RARG: variants seen among roughly 807,000 people sequenced by gnomAD.
RARG encodes RAR-gamma.
RARG carries 17 observed loss-of-function variants against 43.7 expected under a neutral mutation model. The ratio of observed to expected loss-of-function variants is 0.39; its 90% confidence interval spans 0.27 to 0.58. The LOEUF is 0.58. Ranked by LOEUF, RARG falls within the 20% of genes least tolerant of loss-of-function variation. RARG has a pLI of 0.57. For missense variants in RARG, 346 were observed against 598.7 expected (o/e 0.58, Z 4.40); for synonymous variants, 238 against 236.4 (o/e 1.01, Z -0.06).
chr12:53,228,489 A>G (rs1462075390), intron 2 of RARG, among the ~76,000 whole-genome samples: 2 of 152,112 alleles, frequency 1.3e-5, no homozygotes, highest in Non-Finnish European at 2.9e-5. Context: ...TTCAGTAAGC[A>G]CTTCCCTCTC....
chr12:53,212,743 C>T (rs868689170), intron 9 of RARG, among the ~76,000 whole-genome samples: 1,956 of 145,760 alleles, frequency 0.013, 20 homozygotes, highest in African/African-American at 0.035. Flanking sequence ...TATATACACA[C>T]ACACACACAC....
Position 53,215,811 on chromosome 12 carries a change from G to T in RARG, c.185-17C>A. 6.3e-7 allele frequency: 1 copy of T among 1,587,282 alleles called. No individual in the cohort carries two copies. The highest frequency in any genetic ancestry group is 8.6e-7 in the Non-Finnish European group (1 of 1,165,094). On this transcript the variant is annotated splice_polypyrimidine_tract_variant and intron_variant, in intron 3 of 9. Transcript: ENST00000425354. This position sits in a 1 kb window ranked among gnomAD's most constrained non-coding sequence, Gnocchi z 6.4. Reference sequence around the variant, plus strand: ...TCTCCACCGCTGGGAGGGAAGCAGTGATGTGAGGGTCAGGGGAGAAGGACC... The same window carrying T: ...TCTCCACCGCTGGGAGGGAAGCAGTTATGTGAGGGTCAGGGGAGAAGGACC...
rs1308036214 is a variant in RARG at position 53,232,033 on chromosome 12, C to G, written c.-269G>C. 7.5e-6 allele frequency: 3 copies of G among 398,246 alleles called. No homozygotes were observed. In the East Asian group the frequency reaches 1.1e-4, roughly 14 times the overall value. 24.7% of individuals were successfully genotyped at this position (398,246 alleles called of 1,614,324 possible). ...CCGAGGTCCCGGCGTCGGGCAGTCT[C>G]TTGGATGGAGCGTCGCAATGTCCGG... On this transcript the variant is annotated 5_prime_UTR_variant, in exon 1 of 10. Coordinates refer to ENST00000425354, the MANE Select transcript of RARG (RefSeq NM_000966.6).
At chr12:53,228,612 A>T (rs1293683533) in intron 2 of RARG, among the ~76,000 whole-genome samples, 1 of 152,114 alleles carries the variant, frequency 6.6e-6, no homozygotes. Context: ...AAGGATGTTG[A>T]TGGAGCCCCC....
Position 53,219,251 on chromosome 12 carries a change from C to T in RARG, c.185-3457G>A, listed in dbSNP as rs370703706. Among the ~76,000 whole-genome samples, 4 of 152,316 alleles carry T rather than the reference C, an allele frequency of 2.6e-5. No homozygotes were observed. In the East Asian group the frequency reaches 5.8e-4, roughly 22 times the overall value. On this transcript the variant is annotated intron_variant, in intron 3 of 9. Transcript: ENST00000425354. The stretch of plus-strand genomic sequence containing the variant: ...GGAAAAAGTAATCTCTGCATATAAC[C>T]GCATACACGTTTCCAAACATTTCTT...
At chr12:53,230,836 C>T (rs952130380) in intron 2 of RARG, among the ~76,000 whole-genome samples, 7 of 119,998 alleles carry the variant, frequency 5.8e-5, no homozygotes, top group East Asian at 2.5e-4. Context: ...GGCCACAGTG[C>T]GTGTGTGTGT....
At chr12:53,223,118 G>A (rs1356992576) in intron 3 of RARG, among the ~76,000 whole-genome samples, 3 of 152,194 alleles carry the variant, frequency 2.0e-5, no homozygotes, top group Admixed American at 6.5e-5. Context: ...TGGCCAGGAC[G>A]AGGCAGGGCA....
In RARG at chr12:53,211,852, C is replaced by A; in HGVS notation, c.1189G>T (p.Ala397Ser). 1 of 1,472,064 alleles carries A rather than the reference C, an allele frequency of 6.8e-7. No individual in the cohort carries two copies. Among genetic ancestry groups the A allele is most frequent in the Non-Finnish European group, 9.1e-7 (1 of 1,103,320 alleles). The allele number at this position is 1,472,064 out of a possible 1,614,324, so 91.2% of individuals were successfully genotyped here. ...GGAATCTCCATCTTCAGAGTAATGG[C>A]CCTTTCAGCTCCTACAATGGAGAGA... ...RGISTKGAER[A>S]ITLKMEIPGP... is the part of the protein sequence containing the mutation. Residue 397 changes from alanine to serine, a missense_variant, in exon 10 of 10, where the codon GCC (alanine) becomes TCC (serine). Physicochemically the swap from Ala to Ser is moderately conservative, Grantham distance 99 (BLOSUM62 1). This residue lies in a region of RARG where 20 missense variants were observed against 58.5 expected (regional missense o/e 0.34). Coordinates refer to ENST00000425354, the MANE Select transcript of RARG (RefSeq NM_000966.6). This position sits in a 1 kb window ranked among gnomAD's most constrained non-coding sequence, Gnocchi z 4.6.
intron 2 of RARG, among the ~76,000 whole-genome samples, chr12:53,229,380 C>T (rs559770375): frequency 5.9e-5 from 9 of 152,160 alleles, no homozygotes; most frequent in African/African-American, 1.9e-4. Context: ...TCTCCTCTAC[C>T]TTGGCCTTCA....
At position 53,227,302 on chromosome 12, in the gene RARG, A is replaced by G. The variant is rs1002364022; in HGVS notation, c.184+60T>C. The G allele has an allele frequency of 6.9e-7, 1 of 1,457,824 alleles. No individual in the cohort carries two copies. The highest frequency in any genetic ancestry group is 9.1e-7 in the Non-Finnish European group (1 of 1,094,912). The allele number at this position is 1,457,824 out of a possible 1,614,324, so 90.3% of individuals were successfully genotyped here. The stretch of plus-strand genomic sequence containing the variant: ...TGGGGTGCCAACTCTTTTACCATCC[A>G]CCCTCCTGATGCCTTCTTGTTAACA... On this transcript the variant is annotated intron_variant, in intron 3 of 9. Coordinates refer to ENST00000425354, the MANE Select transcript of RARG (RefSeq NM_000966.6). This position sits in a 1 kb window ranked among gnomAD's most constrained non-coding sequence, Gnocchi z 4.3.
At position 53,211,876 on chromosome 12, in the gene RARG, G is replaced by C. The variant is rs1942598375; in HGVS notation, c.1178-13C>G. ...GCCCTTTCAGCTCCTACAATGGAGA[G>C]AGAAAGAGAGAGGCTCAGGAGGACA... On this transcript the variant is annotated splice_polypyrimidine_tract_variant and intron_variant, in intron 9 of 9. Transcript: ENST00000425354. The surrounding 1 kb of genome is among the most constrained non-coding windows in gnomAD (Gnocchi z 4.6). 4 of 1,412,184 alleles carry C rather than the reference G, an allele frequency of 2.8e-6. No homozygotes were observed. The highest frequency in any genetic ancestry group is 1.5e-5 in the African/African-American group (1 of 66,964). 87.5% of individuals were successfully genotyped at this position (1,412,184 alleles called of 1,614,324 possible). A position where few individuals can be genotyped will look rare whatever the true frequency, so the allele number is the denominator to read the frequency against.
intron 3 of RARG, chr12:53,220,401 G>A (rs1670192324): frequency 2.0e-5 from 3 of 152,136 alleles, no homozygotes; most frequent in Non-Finnish European, 4.0e-5. Flanking sequence ...GGAGGGGTGG[G>A]GGGTGGGGCT....
In RARG at chr12:53,215,809, G is replaced by A. The variant is rs1942744273; in HGVS notation, c.185-15C>T. 33 of 1,588,506 alleles carry A rather than the reference G, an allele frequency of 2.1e-5. No homozygotes were observed. The highest frequency in any genetic ancestry group is 2.7e-5 in the Non-Finnish European group (32 of 1,165,860). The stretch of plus-strand genomic sequence containing the variant: ...TGTCTCCACCGCTGGGAGGGAAGCA[G>A]TGATGTGAGGGTCAGGGGAGAAGGA... On this transcript the variant is annotated splice_polypyrimidine_tract_variant and intron_variant, in intron 3 of 9. Coordinates refer to ENST00000425354, the MANE Select transcript of RARG (RefSeq NM_000966.6). This position sits in a 1 kb window ranked among gnomAD's most constrained non-coding sequence, Gnocchi z 6.4.
chr12:53,219,985 T>C, intron 3 of RARG: 1 of 1,521,808 alleles, frequency 6.6e-7, no homozygotes, highest in Non-Finnish European at 8.8e-7. Context: ...GGCAAAAGAT[T>C]CAAGTCCGGC....
At chr12:53,221,729 C>CCCCGCGCCCCG (rs1942969158) in intron 3 of RARG, among the ~76,000 whole-genome samples, 1 of 151,130 alleles carries the variant, frequency 6.6e-6, no homozygotes, top group South Asian at 2.1e-4. Flanking sequence ...CCCGGAAATC[C>CCCCGCGCCCCG]CCCCCTCCCC....
Position 53,227,397 on chromosome 12 carries a change from C to T in RARG, c.149G>A (p.Gly50Asp), listed in dbSNP as rs2120730492. 6.3e-7 allele frequency: 1 copy of T among 1,598,578 alleles called. No individual in the cohort carries two copies. The highest frequency in any genetic ancestry group is 2.3e-5 in the East Asian group (1 of 43,336). Residue 50 changes from glycine to aspartate, a missense_variant, in exon 3 of 10, where the codon GGC becomes GAC. Around this residue, in one of 8 missense-constraint regions of RARG, gnomAD observed 90 missense variants for 93.2 expected, o/e 0.97. Transcript: ENST00000425354. The surrounding 1 kb of genome is among the most constrained non-coding windows in gnomAD (Gnocchi z 4.3). The stretch of plus-strand genomic sequence containing the variant: ...CATCTCCTTGGGGAGGTCAGGCTGG[C>T]CCAGGCCCCGGAAGCTAGGGCTCAG... ...EMLSPSFRGL[G>D]QPDLPKEMAS...
At chr12:53,229,429 C>G (rs1017759841) in intron 2 of RARG, among the ~76,000 whole-genome samples, 9 of 152,100 alleles carry the variant, frequency 5.9e-5, no homozygotes, top group South Asian at 2.1e-4. Flanking sequence ...TTACAAGAAC[C>G]CAGACCCCAA....
In RARG at chr12:53,215,887, C is replaced by T; in HGVS notation, c.185-93G>A. 1.5e-6 allele frequency: 2 copies of T among 1,353,628 alleles called. No individual in the cohort carries two copies. Among genetic ancestry groups the T allele is most frequent in the Non-Finnish European group, 2.0e-6 (2 of 1,014,850 alleles). The allele number at this position is 1,353,628 out of a possible 1,614,324, so 83.9% of individuals were successfully genotyped here. A position where few individuals can be genotyped will look rare whatever the true frequency, so the allele number is the denominator to read the frequency against. On this transcript the variant is annotated intron_variant, in intron 3 of 9. Transcript: ENST00000425354. This position sits in a 1 kb window ranked among gnomAD's most constrained non-coding sequence, Gnocchi z 6.4. ...ACACACACCCCATGTGCATTTGTTC[C>T]TTGGCCCACTGGTGACAGCCATCAC...
chr12:53,215,283 G>A lies in RARG; in HGVS notation c.475+10C>T, dbSNP rs377635265. ...AAGTGCTCCTGCCCAAGCCAAGGAT[G>A]GCAGCCTACCTTCCTTGGACATGCC... is the stretch of plus-strand genomic sequence containing the variant. On this transcript the variant is annotated intron_variant, in intron 5 of 9. Coordinates refer to ENST00000425354, the MANE Select transcript of RARG (RefSeq NM_000966.6). This position sits in a 1 kb window ranked among gnomAD's most constrained non-coding sequence, Gnocchi z 6.4. 18 of 1,613,568 alleles carry A rather than the reference G, an allele frequency of 1.1e-5. No individual in the cohort carries two copies. The African/African-American group carries it at 1.6e-4, about 14-fold the overall frequency.
Sources: gnomAD v4.1 joint callset for allele counts (sites outside exome capture counted in the v4.1 genomes callset) on GRCh38, gnomAD v4.1.1 for gene constraint, gnomAD v4.1.1 regional missense constraint, Gnocchi (gnomAD v3.1) non-coding constraint, MANE v1.5 for transcripts, NCBI Gene and HGNC (gene_info 2026-07-23, HGNC 2026-07-21) for gene names.